Variants in DENND4C observed in about 807,000 individuals in gnomAD.
The protein encoded by DENND4C is DENN domain-containing protein 4C.
Under a neutral mutation model 203.0 loss-of-function variants are expected in DENND4C, and 108 were observed. The observed-to-expected ratio is 0.53, with a 90% CI of 0.46 to 0.62. DENND4C has a LOEUF of 0.62. Among genes scored for constraint, DENND4C ranks in the 20% least tolerant of loss-of-function variants. The pLI is 0.00. For synonymous variants in DENND4C, 871 were observed against 792.4 expected (o/e 1.10, Z -1.67); for missense variants, 2,481 against 2,301.2 (o/e 1.08, Z -1.60).
chr9:19,351,800 C>T lies in DENND4C; in HGVS notation c.4496-273C>T, dbSNP rs371991284. On this transcript the variant is annotated intron_variant, in intron 24 of 32. Coordinates refer to ENST00000434457, the MANE Select transcript of DENND4C (RefSeq NM_001330640.2). ...CTAGCCTGGGCAACAGAGCGAGACTCCATCTAAAAAAAAAAAAAAGAAAAG... is the reference window on the plus strand; with the variant it reads ...CTAGCCTGGGCAACAGAGCGAGACTTCATCTAAAAAAAAAAAAAAGAAAAG... Among the ~76,000 whole-genome samples the T allele has an allele frequency of 3.4e-5, 5 of 145,286 alleles. No homozygotes were observed. In the East Asian group the frequency reaches 5.9e-4, roughly 17 times the overall value.
intron 1 of DENND4C, among the ~76,000 whole-genome samples, chr9:19,232,622 A>G (rs1820862078): frequency 6.6e-6 from 1 of 152,212 alleles, no homozygotes; most frequent in Admixed American, 6.5e-5. Context: ...ATTTTGTAGT[A>G]TAAACTTAAG....
chr9:19,334,517 GTTTTTTTTTTTTTTTCTT>G (rs1225009853), intron 17 of DENND4C, among the ~76,000 whole-genome samples: 1 of 135,210 alleles, frequency 7.4e-6, no homozygotes, highest in East Asian at 2.1e-4. Context: ...TTGTTTTTGG[GTTTTTTTTTTTTTTTCTT>G]TTTTTTTTGA....
chr9:19,274,002 C>G (rs577734379), intron 1 of DENND4C, among the ~76,000 whole-genome samples: 4 of 151,934 alleles, frequency 2.6e-5, no homozygotes, highest in Non-Finnish European at 4.4e-5. Context: ...GGGAAATAAC[C>G]TAAATGTCCA....
intron 1 of DENND4C, among the ~76,000 whole-genome samples, chr9:19,232,329 T>G (rs1049720608): frequency 5.3e-5 from 8 of 152,158 alleles, no homozygotes; most frequent in African/African-American, 1.7e-4. Context: ...CGCATTGGTA[T>G]CTCCGTTGAC....
In DENND4C at chr9:19,336,830, C is replaced by A; in HGVS notation, c.2879C>A (p.Thr960Lys). 6.5e-7 allele frequency: 1 copy of A among 1,547,426 alleles called. No individual in the cohort carries two copies. Among genetic ancestry groups the A allele is most frequent in the Non-Finnish European group, 8.7e-7 (1 of 1,145,950 alleles). The stretch of plus-strand genomic sequence containing the variant: ...GAGTCCATTGATAATCACTCTAGCA[C>A]AGGTACTAAAATCCAGATTTTACTA... Reference protein sequence around the residue: ...RLESIDNHSSTGGQSDQGYGS... With the variant: ...RLESIDNHSSKGGQSDQGYGS... The change falls in exon 20 of 33, where the codon ACA (threonine) becomes AAA (lysine). Residue 960 changes from threonine to lysine, a missense_variant and splice_region_variant. Physicochemically the swap from Thr to Lys is moderately conservative, Grantham distance 78. Coordinates refer to ENST00000434457, the MANE Select transcript of DENND4C (RefSeq NM_001330640.2).
intron 26 of DENND4C, among the ~76,000 whole-genome samples, chr9:19,356,056 T>C (rs1825326705): frequency 6.6e-6 from 1 of 152,192 alleles, no homozygotes; most frequent in Non-Finnish European, 1.5e-5. Flanking sequence ...TATGTTGTTA[T>C]AGAAAATTTC....
At chr9:19,301,720 C>T (rs543511483) in intron 9 of DENND4C, among the ~76,000 whole-genome samples, 85 of 152,228 alleles carry the variant, frequency 5.6e-4, no homozygotes, top group Middle Eastern at 3.4e-3. Flanking sequence ...AGGCAGATCA[C>T]GAGGTCAAGA....
intron 1 of DENND4C, among the ~76,000 whole-genome samples, chr9:19,274,694 T>C (rs1009648358): frequency 3.9e-5 from 6 of 152,252 alleles, no homozygotes; most frequent in African/African-American, 1.4e-4. Flanking sequence ...TAATGATTCC[T>C]GAGCTTACTT....
intron 12 of DENND4C, among the ~76,000 whole-genome samples, chr9:19,321,493 T>G (rs1348715132): frequency 6.6e-6 from 1 of 151,972 alleles, no homozygotes; most frequent in African/African-American, 2.4e-5. Flanking sequence ...TTTGTTTTGT[T>G]TTGTTTTTGT....
chr9:19,245,501 G>A (rs1824969619), intron 1 of DENND4C, among the ~76,000 whole-genome samples: 1 of 146,862 alleles, frequency 6.8e-6, no homozygotes, highest in Admixed American at 6.9e-5. Context: ...TGGCTCCAAT[G>A]TATAGTCAGG....
intron 1 of DENND4C, among the ~76,000 whole-genome samples, chr9:19,266,771 C>T (rs563358236): frequency 1.7e-3 from 265 of 152,142 alleles, no homozygotes; most frequent in African/African-American, 5.9e-3. Flanking sequence ...ACTGGCTAGC[C>T]GTATGTAGAG....
In DENND4C at chr9:19,346,447, T is replaced by C. The variant is rs1249112441; in HGVS notation, c.3678T>C (p.Asp1226=). Residue 1226 remains aspartate, a synonymous_variant, in exon 23 of 33, where the codon GAT becomes GAC. Coordinates refer to ENST00000434457, the MANE Select transcript of DENND4C (RefSeq NM_001330640.2). The part of the protein sequence containing the change: ...QSRDLKTVSK[D]LRNKRSSLYG... ...GAGACTTGAAAACAGTATCCAAAGA[T>C]CTGAGGAATAAGAGAAGTAGTTTAT... The C allele has an allele frequency of 6.2e-7, 1 of 1,614,074 alleles. No homozygotes were observed. The highest frequency in any genetic ancestry group is 1.1e-5 in the South Asian group (1 of 91,078).
intron 1 of DENND4C, among the ~76,000 whole-genome samples, chr9:19,271,826 G>A (rs79309961): frequency 0.031 from 4,544 of 147,990 alleles, 221 homozygotes; most frequent in African/African-American, 0.11. Context: ...TTGAGATCGC[G>A]CCATTGCACT....
At chr9:19,362,019 A>G in intron 30 of DENND4C, 56 bp downstream of exon 30, 1 of 1,109,758 alleles carries the variant, frequency 9.0e-7, no homozygotes. Flanking sequence ...CGCACCTGTA[A>G]TGCCAGCACT....
At chr9:19,231,535 T>C (rs931696754) in intron 1 of DENND4C, among the ~76,000 whole-genome samples, 2 of 151,748 alleles carry the variant, frequency 1.3e-5, no homozygotes, top group African/African-American at 4.8e-5. Context: ...TTAAGAATGC[T>C]GTCACGTCTT....
rs1230930567 is a variant in DENND4C at position 19,305,460 on chromosome 9, T to C, written c.1420T>C (p.Tyr474His). The change falls in exon 10 of 33, where the codon TAT becomes CAT. Residue 474 changes from tyrosine (Y) to histidine (H), a missense_variant. This residue lies in a region of DENND4C where 2,289 missense variants were observed against 2,113.3 expected (regional missense o/e 1.08). Transcript: ENST00000434457. ...ATTTATAGTTGGAGTTGACTCAAGG[T>C]ATTTTGATCTTCATGACCCACCACA... ...LPFIVGVDSR[Y>H]FDLHDPPQDV... 6.2e-7 allele frequency: 1 copy of C among 1,613,970 alleles called. No homozygotes were observed. The highest frequency in any genetic ancestry group is 8.5e-7 in the Non-Finnish European group (1 of 1,179,978).
intron 1 of DENND4C, among the ~76,000 whole-genome samples, chr9:19,259,158 T>G (rs1246055629): frequency 6.6e-6 from 1 of 152,224 alleles, no homozygotes; most frequent in Non-Finnish European, 1.5e-5. Context: ...TTGACTGTAG[T>G]CATCCTGTTG....
chr9:19,283,163 A>ATT (rs34362623), intron 2 of DENND4C, among the ~76,000 whole-genome samples: 4,486 of 150,524 alleles, frequency 0.03, 213 homozygotes, highest in African/African-American at 0.1. Flanking sequence ...CTGTGCCTGG[A>ATT]TTTTTTTTTT....
intron 4 of DENND4C, 45 bp from the exon 5 acceptor site, chr9:19,290,659 A>T: frequency 1.6e-6 from 2 of 1,288,158 alleles, no homozygotes; most frequent in Non-Finnish European, 2.0e-6. Context: ...AATTTATGGA[A>T]AAGTAACTAT....
Sources: allele counts gnomAD v4.1 joint callset (sites outside exome capture counted in the v4.1 genomes callset), GRCh38; gene constraint gnomAD v4.1.1; regional missense constraint gnomAD v4.1.1; transcripts MANE v1.5; gene names NCBI Gene and HGNC (gene_info 2026-07-23, HGNC 2026-07-21).